TRAPPC9: variants seen among roughly 807,000 people sequenced by gnomAD.
TRAPPC9 encodes the protein IKK2 binding protein.
Under a neutral mutation model 124.0 loss-of-function variants are expected in TRAPPC9, and 83 were observed. That is an observed-to-expected ratio of 0.67 (90% CI 0.56 to 0.80). TRAPPC9 has a LOEUF of 0.80. Ranked by LOEUF, TRAPPC9 falls within the 30% of genes least tolerant of loss-of-function variation. The probability of loss-of-function intolerance (pLI) is 0.00; values close to 1 mark genes in which losing one functional copy is unlikely to be tolerated. For synonymous variants in TRAPPC9, 638 were observed against 617.5 expected, an observed-to-expected ratio of 1.03 and a Z score of -0.49; for missense variants, 1,302 against 1,508.3, an observed-to-expected ratio of 0.86 and a Z score of 2.27.
intron 17 of TRAPPC9, among the ~76,000 whole-genome samples, chr8:140,197,950 G>T (rs936117576): frequency 6.6e-6 from 1 of 152,162 alleles, no homozygotes; most frequent in Non-Finnish European, 1.5e-5. Context: ...CACATCTTGT[G>T]CAGCAAGATG....
chr8:140,298,917 G>A (rs1049008992), intron 11 of TRAPPC9, among the ~76,000 whole-genome samples: 1 of 152,234 alleles, frequency 6.6e-6, no homozygotes, highest in African/African-American at 2.4e-5. Context: ...CACACAGCCT[G>A]ACAGAATTCT....
chr8:139,891,703 A>G (rs1398743967), intron 20 of TRAPPC9, among the ~76,000 whole-genome samples: 1 of 152,238 alleles, frequency 6.6e-6, no homozygotes, highest in Non-Finnish European at 1.5e-5. Context: ...AGGGCAAGCA[A>G]AAAATGCAGA....
chr8:140,007,917 A>G lies in TRAPPC9; in HGVS notation c.2699+16020T>C, dbSNP rs182904564. ...TCAAGACAGACCGGTGAGCAGACAC[A>G]GAATACTGTGAGATCATTCGCTAGG... On this transcript the variant is annotated intron_variant, in intron 18 of 22. Transcript: ENST00000438773. Among the ~76,000 whole-genome samples the G allele has an allele frequency of 8.2e-4, 125 of 152,354 alleles. No individual in the cohort carries two copies. The East Asian group carries it at 0.021, about 25-fold the overall frequency.
intron 5 of TRAPPC9, among the ~76,000 whole-genome samples, chr8:140,425,942 A>G (rs2132549298): frequency 6.6e-6 from 1 of 152,342 alleles, no homozygotes; most frequent in African/African-American, 2.4e-5. Flanking sequence ...ACCTGGGGCA[A>G]CTTCATTTCA....
At chr8:139,968,684 C>A (rs560655480) in intron 19 of TRAPPC9, among the ~76,000 whole-genome samples, 1 of 152,210 alleles carries the variant, frequency 6.6e-6, no homozygotes, top group African/African-American at 2.4e-5. Context: ...CTACCACTTA[C>A]GGATGAGTTG....
intron 17 of TRAPPC9, among the ~76,000 whole-genome samples, chr8:140,196,059 CACAT>C (rs200934273): frequency 0.022 from 1,182 of 54,640 alleles, 69 homozygotes; most frequent in Middle Eastern, 0.091. Flanking sequence ...TTGAACAATT[CACAT>C]ACAGACCACA....
At chr8:140,334,345 A>G (rs2066977725) in intron 9 of TRAPPC9, among the ~76,000 whole-genome samples, 1 of 152,132 alleles carries the variant, frequency 6.6e-6, no homozygotes, top group Non-Finnish European at 1.5e-5. Context: ...GAGAAAGGCA[A>G]TGTGAAATTA....
chr8:139,733,391 G>T (rs1465388648), intron 21 of TRAPPC9, among the ~76,000 whole-genome samples: 2 of 152,102 alleles, frequency 1.3e-5, no homozygotes, highest in African/African-American at 4.8e-5. Context: ...CACATCTGTT[G>T]TTCAAGTACC....
chr8:140,227,590 T>C (rs951736028), intron 16 of TRAPPC9, among the ~76,000 whole-genome samples: 4 of 152,236 alleles, frequency 2.6e-5, no homozygotes, highest in African/African-American at 9.6e-5. Context: ...GCTAAAATAA[T>C]ACTTCTCTCT....
At chr8:139,954,198 T>C (rs1317265059) in intron 19 of TRAPPC9, among the ~76,000 whole-genome samples, 2 of 152,210 alleles carry the variant, frequency 1.3e-5, no homozygotes, top group Admixed American at 6.5e-5. Context: ...ATATGCTCAC[T>C]GTCCAGATTG....
At chr8:139,964,434 T>TC (rs1415009938) in intron 19 of TRAPPC9, among the ~76,000 whole-genome samples, 1 of 151,928 alleles carries the variant, frequency 6.6e-6, no homozygotes, top group Non-Finnish European at 1.5e-5. Context: ...CTAAGAATCC[T>TC]CCGCCTTGGA....
intron 8 of TRAPPC9, among the ~76,000 whole-genome samples, chr8:140,361,701 C>T (rs930279863): frequency 1.4e-4 from 22 of 151,984 alleles, no homozygotes; most frequent in Admixed American, 1.3e-4. Flanking sequence ...TTTTTTAAAT[C>T]CCTATTGAGA....
chr8:139,948,618 C>CCACCTT (rs1451803646), intron 19 of TRAPPC9, among the ~76,000 whole-genome samples: 1 of 152,162 alleles, frequency 6.6e-6, no homozygotes, highest in Non-Finnish European at 1.5e-5. Context: ...ACCTCCACCT[C>CCACCTT]CACCTTCAAA....
intron 11 of TRAPPC9, 195 bp from the exon 12 acceptor site, chr8:140,291,273 G>C: frequency 1.6e-6 from 1 of 645,104 alleles, no homozygotes; most frequent in South Asian, 1.8e-5. Flanking sequence ...GCTGTCACTG[G>C]CACTTTGATG....
chr8:140,162,026 G>A (rs900821605), intron 17 of TRAPPC9, among the ~76,000 whole-genome samples: 24 of 152,158 alleles, frequency 1.6e-4, no homozygotes, highest in Non-Finnish European at 8.8e-5. Flanking sequence ...ACAGCTGCCC[G>A]CAGCAGCCCC....
chr8:140,196,148 A>G (rs1246321659), intron 17 of TRAPPC9, among the ~76,000 whole-genome samples: 1 of 143,036 alleles, frequency 7.0e-6, no homozygotes, highest in Non-Finnish European at 1.5e-5. Context: ...ACGATCCACC[A>G]TACAGATCAC....
At chr8:139,930,228 T>C (rs1335323407) in intron 19 of TRAPPC9, among the ~76,000 whole-genome samples, 2 of 152,186 alleles carry the variant, frequency 1.3e-5, no homozygotes, top group Admixed American at 1.3e-4. Flanking sequence ...TCTTAATGCA[T>C]GTTTACCCCT....
In TRAPPC9 at chr8:140,190,726, C is replaced by T. The variant is rs147873234; in HGVS notation, c.2556+30733G>A. 3.2e-3 allele frequency among the ~76,000 whole-genome samples: 495 copies of T among 152,334 alleles called. 5 individuals carry two copies. The highest frequency in any genetic ancestry group is 0.011 in the African/African-American group (478 of 41,578). ...TTCTCCGCCATGGCTTTCCCTCCTTCCTCACTCTAGAAAGTTGCTATTTGA... is the reference window on the plus strand; with the variant it reads ...TTCTCCGCCATGGCTTTCCCTCCTTTCTCACTCTAGAAAGTTGCTATTTGA... On this transcript the variant is annotated intron_variant, in intron 17 of 22. Coordinates refer to ENST00000438773, the MANE Select transcript of TRAPPC9 (RefSeq NM_001160372.4).
intron 17 of TRAPPC9, among the ~76,000 whole-genome samples, chr8:140,043,630 G>A (rs1841400794): frequency 6.6e-6 from 1 of 152,108 alleles, no homozygotes; most frequent in Admixed American, 6.5e-5. Flanking sequence ...CCTACAGCAG[G>A]GTCACCAGGG....
Sources: gnomAD v4.1 joint callset for allele counts (sites outside exome capture counted in the v4.1 genomes callset) on GRCh38, gnomAD v4.1.1 for gene constraint, MANE v1.5 for transcripts, NCBI Gene and HGNC (gene_info 2026-07-23, HGNC 2026-07-21) for gene names.